Variants in LRP1B observed in about 807,000 individuals in gnomAD.
LRP1B encodes the protein low-density lipoprotein receptor-related protein 1B.
LRP1B carries 217 observed loss-of-function variants against 556.6 expected under a neutral mutation model. The observed-to-expected ratio is 0.39, with a 90% CI of 0.35 to 0.44. LRP1B has a LOEUF of 0.44. Ranked by LOEUF, LRP1B falls within the 20% of genes least tolerant of loss-of-function variation. The pLI is 1.00. For synonymous variants in LRP1B, 2,047 were observed against 1,865.8 expected (o/e 1.10, Z -2.50); for missense variants, 5,053 against 5,620.8 (o/e 0.90, Z 3.23).
At chr2:141,441,446 A>G (rs1680964094) in intron 3 of LRP1B, among the ~76,000 whole-genome samples, 1 of 152,212 alleles carries the variant, frequency 6.6e-6, no homozygotes, top group South Asian at 2.1e-4. Context: ...AAGGAATCTC[A>G]GTAACTTAGA....
Position 141,425,189 on chromosome 2 carries a change from G to A in LRP1B, c.343+55207C>T, listed in dbSNP as rs185369301. Among the ~76,000 whole-genome samples the A allele has an allele frequency of 2.8e-3, 418 of 151,778 alleles. 1 individual carries two copies. The highest frequency in any genetic ancestry group is 4.4e-3 in the Non-Finnish European group (300 of 67,956). On this transcript the variant is annotated intron_variant, in intron 3 of 90. Coordinates refer to ENST00000389484, the MANE Select transcript of LRP1B (RefSeq NM_018557.3). ...GCGGTATTTGGTTTTCTGTCCTTGCGATAGTTTACTGAGAATGATGATTTC... is the reference window on the plus strand; with the variant it reads ...GCGGTATTTGGTTTTCTGTCCTTGCAATAGTTTACTGAGAATGATGATTTC...
At chr2:141,267,034 A>G (rs1244420973) in intron 3 of LRP1B, among the ~76,000 whole-genome samples, 1 of 152,220 alleles carries the variant, frequency 6.6e-6, no homozygotes, top group Admixed American at 6.5e-5. Flanking sequence ...GGACAATGAC[A>G]TTTCATAGAC....
At chr2:141,677,520 C>T (rs1164434686) in intron 2 of LRP1B, among the ~76,000 whole-genome samples, 3 of 151,916 alleles carry the variant, frequency 2.0e-5, no homozygotes, top group African/African-American at 2.4e-5. Context: ...GATGGAATTT[C>T]GCTCTGTTGC....
intron 22 of LRP1B, among the ~76,000 whole-genome samples, chr2:140,906,455 T>A (rs1224054824): frequency 3.9e-5 from 6 of 152,164 alleles, no homozygotes; most frequent in African/African-American, 1.2e-4. Context: ...TTGCCTTTTA[T>A]TTATTTCATT....
intron 2 of LRP1B, among the ~76,000 whole-genome samples, chr2:141,590,540 T>G (rs992455241): frequency 2.6e-5 from 4 of 151,908 alleles, no homozygotes; most frequent in African/African-American, 7.2e-5. Context: ...CCTCAAACAG[T>G]TTTTTTTATA....
rs530919814 is a variant in LRP1B at position 141,031,355 on chromosome 2, T to C, written c.1790-11253A>G. Among the ~76,000 whole-genome samples the C allele has an allele frequency of 6.6e-4, 99 of 151,102 alleles. 1 individual carries two copies. Among genetic ancestry groups the C allele is most frequent in the African/African-American group, 2.1e-3 (87 of 41,174 alleles). Reference sequence around the variant, plus strand: ...TAAAACTTATATCAGAATTGAAGAGTATTACTTAGTTACCTCAGATGGATA... The same window carrying C: ...TAAAACTTATATCAGAATTGAAGAGCATTACTTAGTTACCTCAGATGGATA... On this transcript the variant is annotated intron_variant, in intron 11 of 90. Transcript: ENST00000389484.
intron 66 of LRP1B, among the ~76,000 whole-genome samples, chr2:140,409,786 C>T (rs2105244626): frequency 7.2e-6 from 1 of 139,458 alleles, no homozygotes; most frequent in Middle Eastern, 3.8e-3. Flanking sequence ...ACTTCGGGAC[C>T]AAGACTTGAA....
At chr2:141,531,979 G>C (rs1053204997) in intron 2 of LRP1B, among the ~76,000 whole-genome samples, 1 of 152,120 alleles carries the variant, frequency 6.6e-6, no homozygotes, top group South Asian at 2.1e-4. Context: ...AAAAGTCACT[G>C]TTTGTGCTGC....
intron 1 of LRP1B, among the ~76,000 whole-genome samples, chr2:141,982,853 A>G (rs942189609): frequency 2.0e-5 from 3 of 152,206 alleles, no homozygotes; most frequent in African/African-American, 7.2e-5. Context: ...AGAACAATGT[A>G]GTATTTGAAA....
intron 2 of LRP1B, among the ~76,000 whole-genome samples, chr2:141,655,185 C>T (rs949968880): frequency 2.6e-5 from 4 of 152,110 alleles, no homozygotes; most frequent in African/African-American, 7.2e-5. Context: ...AATACATTAT[C>T]AAAATTTGAT....
intron 2 of LRP1B, among the ~76,000 whole-genome samples, chr2:141,531,728 TCAAA>T (rs1312264173): frequency 6.6e-6 from 1 of 152,140 alleles, no homozygotes; most frequent in Non-Finnish European, 1.5e-5. Flanking sequence ...TTCAGTATGG[TCAAA>T]CAATTATGAA....
intron 7 of LRP1B, among the ~76,000 whole-genome samples, chr2:141,154,115 T>G (rs1421038732): frequency 6.6e-6 from 1 of 151,860 alleles, no homozygotes; most frequent in Non-Finnish European, 1.5e-5. Context: ...TTTTCTCTTT[T>G]GTTCACTTGT....
At chr2:140,744,436 G>A (rs1688252032) in intron 35 of LRP1B, among the ~76,000 whole-genome samples, 1 of 152,136 alleles carries the variant, frequency 6.6e-6, no homozygotes, top group Admixed American at 6.5e-5. Flanking sequence ...AATTAAGATT[G>A]TATTCTTGCT....
intron 2 of LRP1B, among the ~76,000 whole-genome samples, chr2:141,795,877 T>TATATATAG (rs1695791561): frequency 1.8e-4 from 13 of 71,074 alleles, no homozygotes; most frequent in African/African-American, 6.7e-4. Flanking sequence ...TATATATATA[T>TATATATAG]ATATATATAT....
intron 3 of LRP1B, among the ~76,000 whole-genome samples, chr2:141,432,471 T>C (rs1680597548): frequency 6.6e-6 from 1 of 152,072 alleles, no homozygotes; most frequent in African/African-American, 2.4e-5. Flanking sequence ...TTAGGCAGTG[T>C]TCTCTCCTTG....
At chr2:141,885,271 CT>C (rs1368528091) in intron 1 of LRP1B, among the ~76,000 whole-genome samples, 1 of 151,978 alleles carries the variant, frequency 6.6e-6, no homozygotes, top group Non-Finnish European at 1.5e-5. Context: ...TGATGGCAGG[CT>C]TTTTTCTTCT....
At chr2:140,848,991 C>G (rs977969408) in intron 29 of LRP1B, among the ~76,000 whole-genome samples, 1 of 151,978 alleles carries the variant, frequency 6.6e-6, no homozygotes, top group African/African-American at 2.4e-5. Context: ...GAAATAGGAA[C>G]AGTTTTCCTG....
At chr2:140,514,600 A>G in intron 51 of LRP1B, 53 bp downstream of exon 51, 1 of 1,490,542 alleles carries the variant, frequency 6.7e-7, no homozygotes, top group Non-Finnish European at 9.0e-7. Flanking sequence ...ATAAAATGAT[A>G]GAGCATATAT....
chr2:141,194,557 GT>G (rs142934834), intron 6 of LRP1B, among the ~76,000 whole-genome samples: 1,614 of 152,150 alleles, frequency 0.011, 15 homozygotes, highest in Middle Eastern at 0.027. Flanking sequence ...ATTTTTTAAT[GT>G]TATAAACTAA....
Sources: gnomAD v4.1 joint callset for allele counts (sites outside exome capture counted in the v4.1 genomes callset) on GRCh38, gnomAD v4.1.1 for gene constraint, MANE v1.5 for transcripts, NCBI Gene and HGNC (gene_info 2026-07-23, HGNC 2026-07-21) for gene names.